Variants in FRY observed in about 807,000 individuals in gnomAD.
The protein encoded by FRY is FRY microtubule binding protein.
In FRY, 128 loss-of-function variants were observed where a neutral mutation model predicts 348.4. The ratio of observed to expected loss-of-function variants is 0.37; its 90% CI spans 0.32 to 0.43. The LOEUF is 0.43. FRY is among the 20% of genes least tolerant of loss of function. The pLI, the probability that FRY is intolerant of heterozygous loss-of-function variation, is 1.00. For missense variants in FRY, 2,736 were observed against 3,695.2 expected, an observed-to-expected ratio of 0.74 and a Z score of 6.73; for synonymous variants, 1,370 against 1,374.7, an observed-to-expected ratio of 1.00 and a Z score of 0.08.
At chr13:32,259,682 C>T (rs1355808989) in intron 51 of FRY, among the ~76,000 whole-genome samples, 2 of 152,204 alleles carry the variant, frequency 1.3e-5, no homozygotes, top group African/African-American at 2.4e-5. Context: ...ACATTCTTCT[C>T]TTTTTACTCT....
At chr13:32,075,730 AT>A (rs1566057482) in intron 1 of FRY, among the ~76,000 whole-genome samples, 2 of 152,240 alleles carry the variant, frequency 1.3e-5, no homozygotes, top group Non-Finnish European at 2.9e-5. Flanking sequence ...AGGATTTGCC[AT>A]GAATTAATTA....
At chr13:32,103,730 C>T (rs367905368) in intron 3 of FRY, among the ~76,000 whole-genome samples, 18 of 152,174 alleles carry the variant, frequency 1.2e-4, no homozygotes, top group South Asian at 8.3e-4. Context: ...TTTGAGAGGC[C>T]GAGGCAGGTG....
chr13:32,077,504 G>A (rs1190801580), intron 1 of FRY, among the ~76,000 whole-genome samples: 2 of 152,262 alleles, frequency 1.3e-5, no homozygotes, highest in African/African-American at 2.4e-5. Flanking sequence ...TGGAAAGACC[G>A]TTCAGATATA....
chr13:32,252,331 A>C (rs759067355), intron 50 of FRY, among the ~76,000 whole-genome samples: 50 of 152,142 alleles, frequency 3.3e-4, no homozygotes, highest in Non-Finnish European at 5.4e-4. Context: ...CTCTGTACAC[A>C]CGCTTCTTAC....
chr13:32,160,328 G>A (rs1881368232), intron 16 of FRY, among the ~76,000 whole-genome samples: 1 of 152,162 alleles, frequency 6.6e-6, no homozygotes, highest in East Asian at 1.9e-4. Context: ...TAGATATGCT[G>A]TTATATATTA....
At chr13:32,111,600 G>T (rs886829706) in intron 3 of FRY, among the ~76,000 whole-genome samples, 1 of 152,192 alleles carries the variant, frequency 6.6e-6, no homozygotes, top group Non-Finnish European at 1.5e-5. Flanking sequence ...AAGAAGGACA[G>T]ATAATTGAGA....
intron 11 of FRY, 22 bp from the exon 12 acceptor site, chr13:32,147,260 T>C (rs765174777): frequency 1.2e-4 from 167 of 1,401,126 alleles, no homozygotes; most frequent in South Asian, 2.2e-4. Context: ...TCTGCAGTCT[T>C]ACATCTTGGT....
intron 3 of FRY, among the ~76,000 whole-genome samples, chr13:32,108,971 A>T (rs1254919230): frequency 1.3e-5 from 2 of 152,168 alleles, no homozygotes; most frequent in Non-Finnish European, 2.9e-5. Context: ...CTGTATGCAT[A>T]CCAGTATCAA....
At chr13:32,243,687 T>C (rs1886628038) in intron 46 of FRY, among the ~76,000 whole-genome samples, 2 of 152,352 alleles carry the variant, frequency 1.3e-5, no homozygotes, top group Middle Eastern at 6.8e-3. Flanking sequence ...TTTTTAAATA[T>C]TTCCTCATGT....
chr13:32,156,294 C>T (rs541064684), intron 15 of FRY, among the ~76,000 whole-genome samples: 2 of 152,230 alleles, frequency 1.3e-5, no homozygotes, highest in African/African-American at 4.8e-5. Flanking sequence ...TTTAGTTATG[C>T]AATGTTTAAA....
At chr13:32,103,214 G>A (rs904453838) in intron 3 of FRY, among the ~76,000 whole-genome samples, 1 of 152,216 alleles carries the variant, frequency 6.6e-6, no homozygotes, top group Non-Finnish European at 1.5e-5. Flanking sequence ...TGGAAGATGG[G>A]CCTCATCTCT....
At chr13:32,208,636 C>T (rs1296524063) in intron 31 of FRY, among the ~76,000 whole-genome samples, 1 of 152,248 alleles carries the variant, frequency 6.6e-6, no homozygotes, top group Non-Finnish European at 1.5e-5. Context: ...GCTTGCCCCA[C>T]AGTGCTATAC....
rs771229484 is a variant in FRY, at chr13:32,295,347, A to G, written c.8929A>G (p.Thr2977Ala). 2.5e-6 allele frequency: 4 copies of G among 1,613,874 alleles called. No homozygotes were observed. The Admixed American group carries it at 5.0e-5, about 20-fold the overall frequency. The change falls in exon 61 of 61, where the codon ACC becomes GCC. Residue 2977 changes from threonine to alanine, a missense_variant. Thr to Ala is a moderately conservative substitution (Grantham distance 58). This residue lies in a region of FRY where 157 missense variants were observed against 215.2 expected (regional missense o/e 0.73). Transcript: ENST00000542859. ...GSNQSLTEIC[T>A]KLMELNMEIR... ...TAACCAGAGCCTGACCGAGATCTGC[A>G]CCAAGCTGATGGAGCTGAACATGGA...
chr13:32,281,061 C>G lies in FRY; in HGVS notation c.8469+2513C>G, dbSNP rs181420521. Among the ~76,000 whole-genome samples, 399 of 152,200 alleles carry G rather than the reference C, an allele frequency of 2.6e-3. 2 individuals carry two copies. Among genetic ancestry groups the G allele is most frequent in the African/African-American group, 9.2e-3 (381 of 41,522 alleles). On this transcript the variant is annotated intron_variant, in intron 58 of 60. Coordinates refer to ENST00000542859, the MANE Select transcript of FRY (RefSeq NM_023037.3). ...CTTTCTTTGCTTCTATTTTGTAGTA[C>G]TTATTCCTCTCCCTCTCTTTTCTTA...
At chr13:32,251,523 C>CATAT (rs148307591) in intron 49 of FRY, among the ~76,000 whole-genome samples, 3,347 of 152,090 alleles carry the variant, frequency 0.022, 126 homozygotes, top group African/African-American at 0.077. Flanking sequence ...CACATACACA[C>CATAT]ATATATACAC....
At chr13:32,056,188 TAAA>T (rs1252421652) in intron 1 of FRY, among the ~76,000 whole-genome samples, 2 of 119,798 alleles carry the variant, frequency 1.7e-5, no homozygotes. Context: ...AGACTCCATC[TAAA>T]AAAAAAAAAA....
chr13:32,074,977 G>A (rs1051410221), intron 1 of FRY, among the ~76,000 whole-genome samples: 3 of 152,184 alleles, frequency 2.0e-5, no homozygotes, highest in Non-Finnish European at 4.4e-5. Flanking sequence ...TAAAAAGCAA[G>A]GAAAGCACCC....
At chr13:32,104,269 A>G (rs974179959) in intron 3 of FRY, among the ~76,000 whole-genome samples, 1 of 152,188 alleles carries the variant, frequency 6.6e-6, no homozygotes, top group African/African-American at 2.4e-5. Context: ...TTTAAATCCC[A>G]CCTTTGTCAC....
chr13:32,036,371 C>T (rs1003934209), intron 1 of FRY, among the ~76,000 whole-genome samples: 27 of 152,144 alleles, frequency 1.8e-4, no homozygotes, highest in African/African-American at 5.6e-4. Flanking sequence ...CTTCTGCTAA[C>T]GTAGTTTACA....
Sources: allele counts gnomAD v4.1 joint callset (sites outside exome capture counted in the v4.1 genomes callset), GRCh38; gene constraint gnomAD v4.1.1; regional missense constraint gnomAD v4.1.1; transcripts MANE v1.5; gene names NCBI Gene and HGNC (gene_info 2026-07-23, HGNC 2026-07-21).